Variants in ARHGAP27 observed in about 807,000 individuals in gnomAD.
ARHGAP27 encodes the protein rho GTPase-activating protein 27.
In ARHGAP27, 53 loss-of-function variants were observed where a neutral mutation model predicts 102.0. That is an observed-to-expected ratio of 0.52 (90% CI 0.42 to 0.65). ARHGAP27 has a LOEUF of 0.65. Ranked by LOEUF, ARHGAP27 falls within the 30% of genes least tolerant of loss-of-function variation. ARHGAP27 has a pLI of 0.00. For missense variants in ARHGAP27, 1,117 were observed against 1,256.2 expected (o/e 0.89, Z 1.68); for synonymous variants, 525 against 542.8 (o/e 0.97, Z 0.46).
intron 4 of ARHGAP27, among the ~76,000 whole-genome samples, chr17:45,426,359 G>A (rs533914308): frequency 2.0e-5 from 3 of 152,278 alleles, no homozygotes; most frequent in Non-Finnish European, 2.9e-5. Context: ...CTTTGGGACT[G>A]CATCTTACCA....
At chr17:45,400,465 G>C (rs2046307429) in intron 12 of ARHGAP27, among the ~76,000 whole-genome samples, 2 of 152,170 alleles carry the variant, frequency 1.3e-5, no homozygotes, top group African/African-American at 4.8e-5. Flanking sequence ...CCACTGGCCT[G>C]AGCAGCACCT....
At chr17:45,403,735 T>C (rs1418000862) in intron 10 of ARHGAP27, 26 bp from the exon 11 acceptor site, 1 of 1,573,970 alleles carries the variant, frequency 6.4e-7, no homozygotes, top group African/African-American at 1.4e-5. Context: ...GAAGTGGGGG[T>C]GGCAGGACTT....
At chr17:45,422,127 C>T (rs1420404264) in intron 4 of ARHGAP27, among the ~76,000 whole-genome samples, 1 of 152,066 alleles carries the variant, frequency 6.6e-6, no homozygotes, top group Non-Finnish European at 1.5e-5. Context: ...GATCGCACCA[C>T]TGCACACCAG....
At chr17:45,412,182 A>C (rs1315245672) in intron 4 of ARHGAP27, among the ~76,000 whole-genome samples, 2 of 152,178 alleles carry the variant, frequency 1.3e-5, no homozygotes, top group East Asian at 3.8e-4. Flanking sequence ...ATAGGGAGTG[A>C]ACAAACTCAC....
intron 12 of ARHGAP27, among the ~76,000 whole-genome samples, chr17:45,400,778 G>C (rs1004394819): frequency 3.3e-5 from 5 of 152,126 alleles, no homozygotes; most frequent in Admixed American, 3.3e-4. Context: ...AGCCGGGTAT[G>C]GTGGCAGGCG....
At chr17:45,424,104 C>G (rs1036479322) in intron 4 of ARHGAP27, among the ~76,000 whole-genome samples, 2 of 152,158 alleles carry the variant, frequency 1.3e-5, no homozygotes, top group African/African-American at 4.8e-5. Flanking sequence ...CCCCTGCCCC[C>G]CTCCTTTCAT....
At chr17:45,404,713 C>T in intron 6 of ARHGAP27, 32 bp from the exon 7 acceptor site, 1 of 1,594,642 alleles carries the variant, frequency 6.3e-7, no homozygotes, top group Non-Finnish European at 8.5e-7. Context: ...GGGCCTCCAG[C>T]CCAGCTTATG....
At chr17:45,400,136 C>T (rs1430301885) in intron 12 of ARHGAP27, among the ~76,000 whole-genome samples, 1 of 152,190 alleles carries the variant, frequency 6.6e-6, no homozygotes, top group Non-Finnish European at 1.5e-5. Flanking sequence ...GCACTCCAGC[C>T]TGGGCAACAC....
intron 12 of ARHGAP27, among the ~76,000 whole-genome samples, chr17:45,399,591 C>CAAAGAAAAGGAAAGAAAAGAAAAGA (rs2046177147): frequency 1.4e-5 from 2 of 141,128 alleles, no homozygotes; most frequent in Non-Finnish European, 3.0e-5. Flanking sequence ...CACTCTGTCT[C>CAAAGAAAAGGAAAGAAAAGAAAAGA]AAAGAAAAGA....
intron 4 of ARHGAP27, among the ~76,000 whole-genome samples, chr17:45,418,707 T>C (rs1202627091): frequency 1.3e-5 from 2 of 152,112 alleles, no homozygotes; most frequent in East Asian, 3.9e-4. Context: ...GGGTGGGACC[T>C]GGCTGGCACA....
chr17:45,396,606 C>T (rs2045724540), intron 15 of ARHGAP27, 21 bp from the exon 16 acceptor site: 4 of 1,610,126 alleles, frequency 2.5e-6, no homozygotes, highest in Non-Finnish European at 3.4e-6. Flanking sequence ...GGCTCATCAG[C>T]TCCTGCCCAG....
At position 45,395,384 on chromosome 17, in the gene ARHGAP27, C is replaced by T; in HGVS notation, c.*72G>A. On this transcript the variant is annotated 3_prime_UTR_variant, in exon 20 of 20. Transcript: ENST00000685559. ...CGGAGGGTCCCAGAGAGAAGAAGGCCCGGCTGCGTGGCCTCCGCCGCCCAG... is the reference window on the plus strand; with the variant it reads ...CGGAGGGTCCCAGAGAGAAGAAGGCTCGGCTGCGTGGCCTCCGCCGCCCAG... 1.3e-6 allele frequency: 2 copies of T among 1,487,030 alleles called. No homozygotes were observed. Among genetic ancestry groups the T allele is most frequent in the Non-Finnish European group, 9.0e-7 (1 of 1,110,158 alleles). 92.1% of individuals were successfully genotyped at this position (1,487,030 alleles called of 1,614,324 possible).
intron 12 of ARHGAP27, among the ~76,000 whole-genome samples, chr17:45,400,893 C>G (rs181783852): frequency 6.6e-6 from 1 of 151,708 alleles, no homozygotes; most frequent in Admixed American, 6.6e-5. Context: ...TCAGCCTGGG[C>G]AACAGAGTGA....
rs757675228 is a variant in ARHGAP27, at chr17:45,395,432, G to T, written c.*24C>A. On this transcript the variant is annotated 3_prime_UTR_variant, in exon 20 of 20. Transcript: ENST00000685559. ...CAGCTTGTGTGGCAGGACCGCGGCC[G>T]CCGCCCCAGTCACAGGCCAGCAGTC... 4.5e-6 allele frequency: 7 copies of T among 1,539,602 alleles called. No homozygotes were observed. In the South Asian group the frequency reaches 6.0e-5, roughly 13 times the overall value.
At chr17:45,400,203 G>A (rs758257516) in intron 12 of ARHGAP27, among the ~76,000 whole-genome samples, 4 of 152,108 alleles carry the variant, frequency 2.6e-5, no homozygotes, top group Middle Eastern at 3.2e-3. Flanking sequence ...CCTGCTGACC[G>A]CACAGGCAAA....
At chr17:45,422,890 C>T (rs1443972950) in intron 4 of ARHGAP27, among the ~76,000 whole-genome samples, 1 of 152,142 alleles carries the variant, frequency 6.6e-6, no homozygotes, top group African/African-American at 2.4e-5. Flanking sequence ...AGAAAATATG[C>T]ATTTTTCCGG....
chr17:45,397,477 A>G, intron 13 of ARHGAP27: 1 of 258,602 alleles, frequency 3.9e-6, no homozygotes, highest in Admixed American at 5.3e-5. Flanking sequence ...GCTTCACTCA[A>G]TGTTGGCTCA....
At chr17:45,410,710 G>A (rs970925050) in intron 4 of ARHGAP27, among the ~76,000 whole-genome samples, 13 of 151,994 alleles carry the variant, frequency 8.6e-5, no homozygotes, top group Non-Finnish European at 1.3e-4. Context: ...CAGAGGGGGC[G>A]CTGAGTGCTG....
chr17:45,417,527 G>C (rs1208320067), intron 4 of ARHGAP27, among the ~76,000 whole-genome samples: 1 of 152,118 alleles, frequency 6.6e-6, no homozygotes, highest in African/African-American at 2.4e-5. Context: ...AGCACCTTGG[G>C]AGGCAGAGGT....
Sources: gnomAD v4.1 joint callset for allele counts (sites outside exome capture counted in the v4.1 genomes callset) on GRCh38, gnomAD v4.1.1 for gene constraint, MANE v1.5 for transcripts, NCBI Gene and HGNC (gene_info 2026-07-23, HGNC 2026-07-21) for gene names.